The following MAST2 variants were observed in gnomAD, a reference collection of about 807,000 sequenced individuals.
The protein encoded by MAST2 is microtubule-associated serine/threonine-protein kinase 2.
In MAST2, 70 loss-of-function variants were observed where a neutral mutation model predicts 147.4. That is an observed-to-expected ratio of 0.47 (90% CI 0.39 to 0.58). The LOEUF is 0.58. Among genes scored for constraint, MAST2 ranks in the 20% least tolerant of loss-of-function variants. The pLI, the probability that MAST2 is intolerant of heterozygous loss-of-function variation, is 0.00. For missense variants in MAST2, 2,080 were observed against 2,302.3 expected, an observed-to-expected ratio of 0.90 and a Z score of 1.98; for synonymous variants, 869 against 896.8, an observed-to-expected ratio of 0.97 and a Z score of 0.55.
At chr1:45,985,495 A>T (rs1439606595) in intron 5 of MAST2, among the ~76,000 whole-genome samples, 1 of 152,180 alleles carries the variant, frequency 6.6e-6, no homozygotes, top group Non-Finnish European at 1.5e-5. Context: ...TTTTGTAATT[A>T]CTTGCAGGCA....
chr1:45,845,013 C>T (rs1234094682), intron 3 of MAST2, among the ~76,000 whole-genome samples: 1 of 152,154 alleles, frequency 6.6e-6, no homozygotes, highest in South Asian at 2.1e-4. Context: ...TTAATCCATT[C>T]ATGAGAACAG....
At chr1:45,925,891 C>T (rs2148673190) in intron 4 of MAST2, among the ~76,000 whole-genome samples, 1 of 152,324 alleles carries the variant, frequency 6.6e-6, no homozygotes, top group South Asian at 2.1e-4. Flanking sequence ...CCTCCTATGT[C>T]ACACGTATGA....
chr1:45,875,172 A>C (rs1646549698), intron 3 of MAST2, among the ~76,000 whole-genome samples: 1 of 152,202 alleles, frequency 6.6e-6, no homozygotes, highest in Non-Finnish European at 1.5e-5. Context: ...TTGGCCGGGC[A>C]CGGTGGCTCA....
At chr1:45,991,727 CTTG>C (rs1317166793) in intron 5 of MAST2, among the ~76,000 whole-genome samples, 1 of 152,072 alleles carries the variant, frequency 6.6e-6, no homozygotes, top group African/African-American at 2.4e-5. Flanking sequence ...ATCCTGCAAC[CTTG>C]TTGTAATTGC....
At position 46,010,770 on chromosome 1, in the gene MAST2, C is replaced by G. The variant is rs2149236275; in HGVS notation, c.1019C>G (p.Ser340Cys). 1 of 1,614,008 alleles carries G rather than the reference C, an allele frequency of 6.2e-7. No individual in the cohort carries two copies. ...GAAGAGCGACTAGCAGAGTTTATTT[C>G]CTCCAACACTCCAGACAGCGTGCTG... ...QMEERLAEFI[S>C]SNTPDSVLPL... The change falls in exon 10 of 29, where the codon TCC (serine) becomes TGC (cysteine). Residue 340 changes from serine to cysteine, a missense_variant. Physicochemically the swap from Ser to Cys is moderately radical, Grantham distance 112. Coordinates refer to ENST00000361297, the MANE Select transcript of MAST2 (RefSeq NM_015112.3).
At chr1:45,884,562 A>G (rs962812158) in intron 4 of MAST2, among the ~76,000 whole-genome samples, 7 of 152,094 alleles carry the variant, frequency 4.6e-5, no homozygotes, top group African/African-American at 1.7e-4. Context: ...AAAATAAATA[A>G]ATAAATAAAT....
At chr1:46,005,955 A>C (rs1277300265) in intron 7 of MAST2, among the ~76,000 whole-genome samples, 1 of 152,164 alleles carries the variant, frequency 6.6e-6, no homozygotes, top group African/African-American at 2.4e-5. Flanking sequence ...AGGAAGCATG[A>C]TTTATTAACT....
chr1:45,884,207 A>G (rs1348553223), intron 4 of MAST2, among the ~76,000 whole-genome samples: 1 of 151,942 alleles, frequency 6.6e-6, no homozygotes, highest in Non-Finnish European at 1.5e-5. Context: ...CTTTTTTGAT[A>G]AAGTAACTCA....
At chr1:45,832,305 C>CT (rs758899496) in intron 3 of MAST2, among the ~76,000 whole-genome samples, 3,117 of 143,650 alleles carry the variant, frequency 0.022, 50 homozygotes, top group Non-Finnish European at 0.035. Context: ...TTCTTTCTTT[C>CT]TTTTTTTTTT....
intron 4 of MAST2, among the ~76,000 whole-genome samples, chr1:45,897,647 A>G (rs1648963556): frequency 6.7e-6 from 1 of 150,066 alleles, no homozygotes; most frequent in African/African-American, 2.5e-5. Flanking sequence ...GTCTCTACCA[A>G]AAATACAAAA....
intron 9 of MAST2, among the ~76,000 whole-genome samples, chr1:46,008,696 T>C (rs542701153): frequency 1.3e-5 from 2 of 152,332 alleles, no homozygotes; most frequent in African/African-American, 4.8e-5. Flanking sequence ...AACTGGAGGC[T>C]TTACTTCTCA....
chr1:46,013,324 C>G (rs1396726915), intron 10 of MAST2, among the ~76,000 whole-genome samples: 1 of 152,112 alleles, frequency 6.6e-6, no homozygotes, highest in African/African-American at 2.4e-5. Flanking sequence ...CATTTTCAAA[C>G]AGTCAACAAA....
At chr1:45,924,169 A>G (rs1653986094) in intron 4 of MAST2, among the ~76,000 whole-genome samples, 1 of 152,126 alleles carries the variant, frequency 6.6e-6, no homozygotes, top group African/African-American at 2.4e-5. Flanking sequence ...ACACTCGGCA[A>G]AAAAATCCCT....
At chr1:45,891,674 C>T (rs769230208) in intron 4 of MAST2, among the ~76,000 whole-genome samples, 8 of 150,310 alleles carry the variant, frequency 5.3e-5, no homozygotes, top group East Asian at 1.9e-4. Flanking sequence ...TTTTTATAAT[C>T]TCCTACCTTT....
chr1:46,024,376 A>G, intron 15 of MAST2: 1 of 255,006 alleles, frequency 3.9e-6, no homozygotes, highest in Non-Finnish European at 7.8e-6. Context: ...CTGGCTTGCA[A>G]AGGGGACACC....
chr1:46,034,861 C>T lies in MAST2; in HGVS notation c.4192C>T (p.Arg1398Cys), dbSNP rs200980400. ...ACGGCCCAAGAGTGCGGAGCCACCC[C>T]GTTCACCACTACTCAAGAGGGTGCA... The part of the protein sequence containing the change: ...LSRPKSAEPP[R>C]SPLLKRVQSA... The change falls in exon 29 of 29, where the codon CGT becomes TGT. Residue 1398 changes from arginine (R) to cysteine (C), a missense_variant. Physicochemically the swap from Arg to Cys is radical, Grantham distance 180. Transcript: ENST00000361297. The T allele has an allele frequency of 1.1e-5, 18 of 1,614,242 alleles. No individual in the cohort carries two copies. Among genetic ancestry groups the T allele is most frequent in the East Asian group, 4.5e-5 (2 of 44,888 alleles).
chr1:45,805,306 G>A (rs1557787244), intron 1 of MAST2, among the ~76,000 whole-genome samples: 1 of 151,544 alleles, frequency 6.6e-6, no homozygotes, highest in African/African-American at 2.4e-5. Context: ...TTACAGGCAT[G>A]AGCCAGTGTG....
chr1:45,950,396 T>G (rs1422657278), intron 4 of MAST2, among the ~76,000 whole-genome samples: 2 of 152,162 alleles, frequency 1.3e-5, no homozygotes, highest in African/African-American at 4.8e-5. Flanking sequence ...TCACCCTCAG[T>G]GCAGGAATGG....
intron 4 of MAST2, among the ~76,000 whole-genome samples, chr1:45,940,119 A>G (rs1657020559): frequency 6.6e-6 from 1 of 150,892 alleles, no homozygotes; most frequent in African/African-American, 2.4e-5. Flanking sequence ...GAGCCTCCCG[A>G]GTAGCTGGGA....
Sources: gnomAD v4.1 joint callset for allele counts (sites outside exome capture counted in the v4.1 genomes callset) on GRCh38, gnomAD v4.1.1 for gene constraint, MANE v1.5 for transcripts, NCBI Gene and HGNC (gene_info 2026-07-23, HGNC 2026-07-21) for gene names.